Variants in CYP4X1 observed in about 807,000 individuals in gnomAD.
CYP4X1 encodes the protein cytochrome P450 4X1.
In CYP4X1, 44 loss-of-function variants were observed where a neutral mutation model predicts 57.9. That is an observed-to-expected ratio of 0.76 (90% CI 0.60 to 0.98). CYP4X1 has a LOEUF of 0.98. CYP4X1 is among the 50% of genes least tolerant of loss of function. The probability of loss-of-function intolerance (pLI) is 0.00; values close to 1 mark genes in which losing one functional copy is unlikely to be tolerated. For synonymous variants in CYP4X1, 227 were observed against 228.6 expected, an observed-to-expected ratio of 0.99 and a Z score of 0.06; for missense variants, 532 against 623.9, an observed-to-expected ratio of 0.85 and a Z score of 1.57.
the CYP4X1 span, among the ~76,000 whole-genome samples, chr1:46,999,755 CTTTTTTT>C: frequency 6.8e-6 from 1 of 147,358 alleles, no homozygotes; most frequent in Non-Finnish European, 1.5e-5. Flanking sequence ...AACTCTTTTT[CTTTTTTT>C]TTTTTAACTT....
Position 47,049,480 on chromosome 1 carries a change from A to T in CYP4X1, c.1331A>T (p.Tyr444Phe), listed in dbSNP as rs763600107. Residue 444 changes from tyrosine (Y) to phenylalanine (F), a missense_variant, in exon 11 of 12, where the codon TAC becomes TTC. Tyr to Phe is a conservative substitution (Grantham distance 22). Coordinates refer to ENST00000371901, the MANE Select transcript of CYP4X1 (RefSeq NM_178033.2). Reference sequence around the variant, plus strand: ...TCTGATCAGAGACACCCCTATGCCTACTTACCATTCTCAGCTGGATCAAGG... The same window carrying T: ...TCTGATCAGAGACACCCCTATGCCTTCTTACCATTCTCAGCTGGATCAAGG... ...ENSDQRHPYA[Y>F]LPFSAGSRNC... 8 of 1,614,082 alleles carry T rather than the reference A, an allele frequency of 5.0e-6. No individual in the cohort carries two copies. Among genetic ancestry groups the T allele is most frequent in the Non-Finnish European group, 6.8e-6 (8 of 1,179,988 alleles).
At chr1:47,046,722 T>G in intron 9 of CYP4X1, 122 bp downstream of exon 9, 1 of 1,436,910 alleles carries the variant, frequency 7.0e-7, no homozygotes, top group Non-Finnish European at 9.5e-7. Flanking sequence ...ACATGTGACT[T>G]AGGTTTTATC....
the CYP4X1 span, chr1:46,967,901 G>A: frequency 1.5e-6 from 1 of 661,916 alleles, no homozygotes; most frequent in East Asian, 3.2e-5. Flanking sequence ...TTGATAAGAG[G>A]CCTCAGTCCC....
chr1:47,023,238 G>T (rs753196277), upstream of CYP4X1, among the ~76,000 whole-genome samples: 2 of 152,134 alleles, frequency 1.3e-5, no homozygotes, highest in African/African-American at 2.4e-5. Flanking sequence ...TATCTTCCCC[G>T]TTCAGTGTTC....
chr1:47,022,281 G>GCCTTTTTTTTTTTTTTTTTTTTT (rs1185250751), upstream of CYP4X1, among the ~76,000 whole-genome samples: 1 of 128,436 alleles, frequency 7.8e-6, no homozygotes. Flanking sequence ...CCTGGGGCCT[G>GCCTTTTTTTTTTTTTTTTTTTTT]TCTTTTTTTT....
chr1:46,991,782 GA>G, the CYP4X1 span, among the ~76,000 whole-genome samples: 1 of 150,668 alleles, frequency 6.6e-6, no homozygotes, highest in Admixed American at 6.6e-5. Context: ...CGGCGACTCG[GA>G]GGGCACACCT....
chr1:47,046,368 C>A, intron 8 of CYP4X1, 99 bp from the exon 9 acceptor site: 1 of 1,529,906 alleles, frequency 6.5e-7, no homozygotes, highest in Non-Finnish European at 8.9e-7. Flanking sequence ...GGCAAAATGG[C>A]TTTAACCTGA....
chr1:47,009,618 C>T, the CYP4X1 span, among the ~76,000 whole-genome samples: 1 of 152,010 alleles, frequency 6.6e-6, no homozygotes, highest in East Asian at 1.9e-4. Context: ...CAATGAATCC[C>T]AGAGCTGGTT....
At chr1:47,053,832 G>A (rs550479143), downstream of CYP4X1, among the ~76,000 whole-genome samples, 1 of 152,332 alleles carries the variant, frequency 6.6e-6, no homozygotes, top group Admixed American at 6.5e-5. Context: ...TTTGTCAGAT[G>A]AGTAGGTTGC....
chr1:47,033,435 G>A, intron 4 of CYP4X1, 67 bp downstream of exon 4: 1 of 1,546,658 alleles, frequency 6.5e-7, no homozygotes, highest in Non-Finnish European at 8.7e-7. Context: ...TATTAGGTAT[G>A]TGTTTTGTGG....
upstream of CYP4X1, among the ~76,000 whole-genome samples, chr1:47,023,060 C>T (rs1434713035): frequency 6.6e-6 from 1 of 152,240 alleles, no homozygotes; most frequent in Non-Finnish European, 1.5e-5. Flanking sequence ...CCACACGAGG[C>T]TCTGAACCCA....
At chr1:47,052,382 AC>A (rs753104914), downstream of CYP4X1, among the ~76,000 whole-genome samples, 33 of 152,164 alleles carry the variant, frequency 2.2e-4, no homozygotes, top group Non-Finnish European at 2.9e-4. Flanking sequence ...TTTCTGTCAC[AC>A]ATTTTTATAC....
At chr1:46,989,326 G>C in the CYP4X1 span, among the ~76,000 whole-genome samples, 2 of 151,864 alleles carry the variant, frequency 1.3e-5, no homozygotes, top group Non-Finnish European at 2.9e-5. Context: ...AAAATACCTA[G>C]GAATACCAAT....
rs1374206732 is a variant in CYP4X1 at position 47,030,040 on chromosome 1, C to T, written c.228C>T (p.Tyr76=). 6.2e-7 allele frequency: 1 copy of T among 1,614,048 alleles called. No individual in the cohort carries two copies. The highest frequency in any genetic ancestry group is 1.1e-5 in the South Asian group (1 of 91,054). The change falls in exon 2 of 12, where the codon TAC becomes TAT. Residue 76 remains tyrosine (Y), a synonymous_variant. Coordinates refer to ENST00000371901, the MANE Select transcript of CYP4X1 (RefSeq NM_178033.2). ...AGCTTGAGGAAATTATTGAAAAATA[C>T]CCTCGTGCCTTCCCTTTCTGGATTG... The part of the protein sequence containing the change: ...MEKLEEIIEK[Y]PRAFPFWIGP...
At chr1:46,975,488 C>T in the CYP4X1 span, among the ~76,000 whole-genome samples, 1 of 151,932 alleles carries the variant, frequency 6.6e-6, no homozygotes, top group East Asian at 1.9e-4. Flanking sequence ...GCTAAATATA[C>T]ACCCCAATCT....
chr1:47,004,609 T>A, the CYP4X1 span, among the ~76,000 whole-genome samples: 5,459 of 152,090 alleles, frequency 0.036, 115 homozygotes, highest in South Asian at 0.05. Flanking sequence ...CTTTTTTTTT[T>A]AATTTATTTA....
At chr1:47,019,744 A>T (rs1643977298), upstream of CYP4X1, among the ~76,000 whole-genome samples, 1 of 152,196 alleles carries the variant, frequency 6.6e-6, no homozygotes, top group African/African-American at 2.4e-5. Flanking sequence ...ACTGTCTGAC[A>T]CCATTTTTTA....
the CYP4X1 span, among the ~76,000 whole-genome samples, chr1:47,000,233 G>A: frequency 6.6e-6 from 1 of 152,078 alleles, no homozygotes. Context: ...TGTAAGGTGC[G>A]CTTTGACTCT....
At chr1:47,002,476 A>C in the CYP4X1 span, among the ~76,000 whole-genome samples, 1 of 152,346 alleles carries the variant, frequency 6.6e-6, no homozygotes, top group East Asian at 1.9e-4. Flanking sequence ...ATGCCTAAAA[A>C]TTACTGTCTG....
Sources: gnomAD v4.1 joint callset for allele counts (sites outside exome capture counted in the v4.1 genomes callset) on GRCh38, gnomAD v4.1.1 for gene constraint, MANE v1.5 for transcripts, NCBI Gene and HGNC (gene_info 2026-07-23, HGNC 2026-07-21) for gene names.